Variants in DNMT3A observed in about 807,000 individuals in gnomAD.
DNMT3A encodes the protein DNA methyltransferase 3 alpha, also known as DNA (cytosine-5)-methyltransferase 3A.
In DNMT3A, 267 loss-of-function variants were observed where a neutral mutation model predicts 117.6. That is an observed-to-expected ratio of 2.27 (90% CI 2.05 to 2.51). DNMT3A has a LOEUF of 2.51. Ranked by LOEUF, DNMT3A falls within the 30% of genes most tolerant of loss-of-function variation. The pLI is 0.00. For missense variants in DNMT3A, 1,029 were observed against 1,260.2 expected, an observed-to-expected ratio of 0.82 and a Z score of 2.78; for synonymous variants, 432 against 474.8, an observed-to-expected ratio of 0.91 and a Z score of 1.17.
At chr2:25,253,801 C>T (rs1000284997) in intron 6 of DNMT3A, among the ~76,000 whole-genome samples, 2 of 152,178 alleles carry the variant, frequency 1.3e-5, no homozygotes, top group Non-Finnish European at 2.9e-5. Flanking sequence ...TGGCCGAGCG[C>T]GGTGGCTCAC....
intron 1 of DNMT3A, among the ~76,000 whole-genome samples, chr2:25,332,399 G>C (rs935918151): frequency 6.6e-6 from 1 of 152,184 alleles, no homozygotes; most frequent in Non-Finnish European, 1.5e-5. Flanking sequence ...CCTTCTCTGA[G>C]CCCTGGTAAT....
rs1674945228 is a variant in DNMT3A, at chr2:25,247,417, C to G, written c.1014+174G>C. 9.3e-6 allele frequency: 10 copies of G among 1,074,748 alleles called. No individual in the cohort carries two copies. In the South Asian group the frequency reaches 1.6e-4, roughly 18 times the overall value. The allele number at this position is 1,074,748 out of a possible 1,614,324, so 66.6% of individuals were successfully genotyped here. A position where few individuals can be genotyped will look rare whatever the true frequency, so the allele number is the denominator to read the frequency against. On this transcript the variant is annotated intron_variant, in intron 8 of 22. Transcript: ENST00000321117. The surrounding 1 kb of genome is among the most constrained non-coding windows in gnomAD (Gnocchi z 5.6). ...TGGGCCAGCATCCTAGCTCTCTGAGCCACAGGTGCAACCTAATTATCCCTA... is the reference window on the plus strand; with the variant it reads ...TGGGCCAGCATCCTAGCTCTCTGAGGCACAGGTGCAACCTAATTATCCCTA...
rs756188399 is a variant in DNMT3A, at chr2:25,274,934, G to A, written c.639+7C>T. ...CGGGCTGGGGCCCAGGCCAGAAGGCGCCTCACCTCCCTTTTCCAGCGTGCC... is the reference window on the plus strand; with the variant it reads ...CGGGCTGGGGCCCAGGCCAGAAGGCACCTCACCTCCCTTTTCCAGCGTGCC... On this transcript the variant is annotated splice_region_variant and intron_variant, in intron 6 of 22. Coordinates refer to ENST00000321117, the MANE Select transcript of DNMT3A (RefSeq NM_022552.5). 5.6e-6 allele frequency: 9 copies of A among 1,604,760 alleles called. No individual in the cohort carries two copies. Among genetic ancestry groups the A allele is most frequent in the Non-Finnish European group, 7.7e-6 (9 of 1,173,494 alleles).
intron 2 of DNMT3A, among the ~76,000 whole-genome samples, chr2:25,301,801 G>A (rs1473640494): frequency 1.3e-5 from 2 of 152,174 alleles, no homozygotes; most frequent in Non-Finnish European, 2.9e-5. Context: ...CCCAAGGAGG[G>A]GCCAACCCAG....
At chr2:25,314,238 C>G in intron 1 of DNMT3A, 77 bp from the exon 2 acceptor site, 1 of 1,360,076 alleles carries the variant, frequency 7.4e-7, no homozygotes. Flanking sequence ...CAGGGCCACA[C>G]CTGGCCTGTG....
chr2:25,314,488 C>G (rs2034285938), intron 1 of DNMT3A: 2 of 984,748 alleles, frequency 2.0e-6, no homozygotes, highest in Non-Finnish European at 2.4e-6. Context: ...CTTCCCGCAT[C>G]CTCCCTCCCA....
intron 16 of DNMT3A, among the ~76,000 whole-genome samples, chr2:25,243,365 G>A (rs1266399292): frequency 1.3e-5 from 2 of 151,608 alleles, no homozygotes; most frequent in Non-Finnish European, 2.9e-5. Context: ...TATAATAAAT[G>A]CAAGGCAAGT....
In DNMT3A at chr2:25,329,677, A is replaced by C. The variant is rs530232354; in HGVS notation, c.-178+12149T>G. ...TCTCTCACAGTCATGCAGACCCCAC[A>C]CACACACACACACACACACACACAC... On this transcript the variant is annotated intron_variant, in intron 1 of 22. Transcript: ENST00000321117. Among the ~76,000 whole-genome samples, 830 of 91,852 alleles carry C rather than the reference A, an allele frequency of 9.0e-3. 17 individuals carry two copies. Among genetic ancestry groups the C allele is most frequent in the African/African-American group, 0.03 (776 of 25,484 alleles). The allele number at this position is 91,852 out of a possible 152,430, so 60.3% of individuals were successfully genotyped here.
Position 25,311,639 on chromosome 2 carries a change from C to T in DNMT3A, c.72+2274G>A, listed in dbSNP as rs1344810776. Among the ~76,000 whole-genome samples, 1 of 152,208 alleles carries T rather than the reference C, an allele frequency of 6.6e-6. No individual in the cohort carries two copies. The highest frequency in any genetic ancestry group is 1.9e-4 in the East Asian group (1 of 5,198). On this transcript the variant is annotated intron_variant, in intron 2 of 22. Coordinates refer to ENST00000321117, the MANE Select transcript of DNMT3A (RefSeq NM_022552.5). This position sits in a 1 kb window ranked among gnomAD's most constrained non-coding sequence, Gnocchi z 5.2. ...GTTGCCGCTTGAGCCAGAGCAGTTA[C>T]TATGGGTAGATAATAATAGCAATCG... is the stretch of plus-strand genomic sequence containing the variant.
At chr2:25,283,360 CA>C (rs56884375) in intron 3 of DNMT3A, among the ~76,000 whole-genome samples, 6,182 of 66,370 alleles carry the variant, frequency 0.093, 112 homozygotes, top group East Asian at 0.2. Context: ...GACTCCGCCT[CA>C]AAAAAAAAAA....
In DNMT3A at chr2:25,233,532, T is replaced by G; in HGVS notation, c.*747A>C. The stretch of plus-strand genomic sequence containing the variant: ...AACAGCGGCTTCTAGAAACTGATTT[T>G]CTTCAAGGTTTCCTGTGTGGTAGGC... On this transcript the variant is annotated 3_prime_UTR_variant, in exon 23 of 23. Transcript: ENST00000321117. 4.3e-6 allele frequency: 1 copy of G among 233,556 alleles called. No individual in the cohort carries two copies. Among genetic ancestry groups the G allele is most frequent in the East Asian group, 6.0e-5 (1 of 16,692 alleles). 14.5% of individuals were successfully genotyped at this position (233,556 alleles called of 1,614,324 possible). A position where few individuals can be genotyped will look rare whatever the true frequency, so the allele number is the denominator to read the frequency against.
At chr2:25,310,464 A>G (rs931994128) in intron 2 of DNMT3A, among the ~76,000 whole-genome samples, 2 of 151,694 alleles carry the variant, frequency 1.3e-5, no homozygotes, top group African/African-American at 4.8e-5. Flanking sequence ...TGCCCACCAT[A>G]TGGATGGCGG....
chr2:25,315,024 AC>A (rs2034311562), intron 1 of DNMT3A, among the ~76,000 whole-genome samples: 1 of 151,352 alleles, frequency 6.6e-6, no homozygotes, highest in Admixed American at 6.6e-5. Context: ...CCTGCTCCCC[AC>A]CCCCGGAGGA....
In DNMT3A at chr2:25,275,518, G is replaced by C. The variant is rs769716628; in HGVS notation, c.474C>G (p.Ile158Met). Reference sequence around the variant, plus strand: ...CACTTGCCTCCATTTTCATGGATTCGATGTTGGTCTCCTTCTGTTCTTTGC... The same window carrying C: ...CACTTGCCTCCATTTTCATGGATTCCATGTTGGTCTCCTTCTGTTCTTTGC... The part of the protein sequence containing the change: ...EAGKEQKETN[I>M]ESMKMEGSRG... The change falls in exon 5 of 23, where the codon ATC becomes ATG. Residue 158 changes from isoleucine (I) to methionine (M), a missense_variant. By Grantham distance (10) the Ile-to-Met change is conservative. Coordinates refer to ENST00000321117, the MANE Select transcript of DNMT3A (RefSeq NM_022552.5). 3 of 1,586,342 alleles carry C rather than the reference G, an allele frequency of 1.9e-6. No homozygotes were observed. Among genetic ancestry groups the C allele is most frequent in the East Asian group, 2.4e-5 (1 of 42,282 alleles).
chr2:25,289,142 T>C (rs1256653215), intron 3 of DNMT3A, among the ~76,000 whole-genome samples: 1 of 151,826 alleles, frequency 6.6e-6, no homozygotes, highest in Non-Finnish European at 1.5e-5. Flanking sequence ...TCTCGCTCTG[T>C]TGCCCAGGCG....
At chr2:25,271,467 C>G (rs1437486472) in intron 6 of DNMT3A, among the ~76,000 whole-genome samples, 1 of 152,228 alleles carries the variant, frequency 6.6e-6, no homozygotes, top group Non-Finnish European at 1.5e-5. Flanking sequence ...ATACCTGCAT[C>G]TAGCCCCTTC....
Position 25,314,158 on chromosome 2 carries a change from C to T in DNMT3A, c.-174G>A, listed in dbSNP as rs2034267956. ...CCTGTGGGTGGGGGCTTCGATGGCTCCACCTGTGGGGGAGAGAAGAGGATC... is the reference window on the plus strand; with the variant it reads ...CCTGTGGGTGGGGGCTTCGATGGCTTCACCTGTGGGGGAGAGAAGAGGATC... On this transcript the variant is annotated 5_prime_UTR_variant, in exon 2 of 23. Transcript: ENST00000321117. 1.4e-6 allele frequency: 2 copies of T among 1,424,756 alleles called. No individual in the cohort carries two copies. Among genetic ancestry groups the T allele is most frequent in the Non-Finnish European group, 1.8e-6 (2 of 1,093,170 alleles). The allele number at this position is 1,424,756 out of a possible 1,614,324, so 88.3% of individuals were successfully genotyped here. A position where few individuals can be genotyped will look rare whatever the true frequency, so the allele number is the denominator to read the frequency against.
intron 2 of DNMT3A, among the ~76,000 whole-genome samples, chr2:25,310,160 A>G (rs116706995): frequency 6.6e-6 from 1 of 152,172 alleles, no homozygotes; most frequent in African/African-American, 2.4e-5. Context: ...GAAAGGGGAC[A>G]GAACTGAGAA....
chr2:25,289,089 A>G (rs2032548386), intron 3 of DNMT3A, among the ~76,000 whole-genome samples: 1 of 150,402 alleles, frequency 6.6e-6, no homozygotes, highest in Non-Finnish European at 1.5e-5. Flanking sequence ...CTCGACTGTG[A>G]GCCTTGCCTT....
Sources: gnomAD v4.1 joint callset for allele counts (sites outside exome capture counted in the v4.1 genomes callset) on GRCh38, gnomAD v4.1.1 for gene constraint, Gnocchi (gnomAD v3.1) non-coding constraint, MANE v1.5 for transcripts, NCBI Gene and HGNC (gene_info 2026-07-23, HGNC 2026-07-21) for gene names.